LRP1B: variants seen among roughly 807,000 people sequenced by gnomAD.
The protein encoded by LRP1B is low-density lipoprotein receptor-related protein 1B.
LRP1B carries 217 observed loss-of-function variants against 556.6 expected under a neutral mutation model. That is an observed-to-expected ratio of 0.39 (90% CI 0.35 to 0.44). LRP1B has a LOEUF of 0.44. Ranked by LOEUF, LRP1B falls within the 20% of genes least tolerant of loss-of-function variation. The pLI is 1.00. For missense variants in LRP1B, 5,053 were observed against 5,620.8 expected (o/e 0.90, Z 3.23); for synonymous variants, 2,047 against 1,865.8 (o/e 1.10, Z -2.50).
intron 6 of LRP1B, among the ~76,000 whole-genome samples, chr2:141,189,945 AAAGAAAAGG>A (rs915569805): frequency 3.3e-5 from 5 of 152,116 alleles, no homozygotes; most frequent in African/African-American, 1.2e-4. Context: ...AGAAAGAAAG[AAAGAAAAGG>A]AAGAAAAGAA....
intron 41 of LRP1B, among the ~76,000 whole-genome samples, chr2:140,681,067 A>C (rs1361161636): frequency 6.6e-6 from 1 of 152,210 alleles, no homozygotes; most frequent in African/African-American, 2.4e-5. Flanking sequence ...CTCTGTCAGC[A>C]TTATTGAACA....
intron 2 of LRP1B, among the ~76,000 whole-genome samples, chr2:141,711,221 T>A (rs1692343360): frequency 6.6e-6 from 1 of 152,152 alleles, no homozygotes; most frequent in African/African-American, 2.4e-5. Flanking sequence ...ATGTATGGTG[T>A]GCCAACCCAA....
In LRP1B at chr2:141,015,919, A is replaced by G. The variant is rs770112754; in HGVS notation, c.1971-4T>C. 6.2e-7 allele frequency: 1 copy of G among 1,610,496 alleles called. No individual in the cohort carries two copies. Among genetic ancestry groups the G allele is most frequent in the East Asian group, 2.2e-5 (1 of 44,708 alleles). On this transcript the variant is annotated splice_region_variant and splice_polypyrimidine_tract_variant and intron_variant, in intron 12 of 90. Coordinates refer to ENST00000389484, the MANE Select transcript of LRP1B (RefSeq NM_018557.3). ...CCAGTCTGTCCAATACATCCAACTA[A>G]GACATTAAAAAAACAACAAAAATGC...
chr2:141,256,140 G>T (rs1684454580), intron 3 of LRP1B, among the ~76,000 whole-genome samples: 1 of 151,998 alleles, frequency 6.6e-6, no homozygotes, highest in Non-Finnish European at 1.5e-5. Context: ...GATGTAGAAA[G>T]ATTCATCTAG....
At chr2:141,113,298 A>G (rs1230822323) in intron 7 of LRP1B, among the ~76,000 whole-genome samples, 4 of 152,252 alleles carry the variant, frequency 2.6e-5, no homozygotes, top group African/African-American at 4.8e-5. Context: ...AAAACAAACC[A>G]ACAAAAAGAC....
chr2:141,265,186 A>G (rs935579725), intron 3 of LRP1B, among the ~76,000 whole-genome samples: 2 of 152,178 alleles, frequency 1.3e-5, no homozygotes, highest in Non-Finnish European at 2.9e-5. Flanking sequence ...AGGGGTCCAA[A>G]GCAGCCTGAG....
intron 1 of LRP1B, among the ~76,000 whole-genome samples, chr2:142,079,509 ATTTTT>A (rs1705635818): frequency 2.4e-5 from 3 of 124,134 alleles, no homozygotes; most frequent in African/African-American, 8.7e-5. Flanking sequence ...CTTTTTTTTT[ATTTTT>A]TTATTTTTTC....
chr2:141,931,916 T>C (rs371395629), intron 1 of LRP1B, among the ~76,000 whole-genome samples: 1 of 151,996 alleles, frequency 6.6e-6, no homozygotes, highest in African/African-American at 2.4e-5. Flanking sequence ...CTGTGTCACT[T>C]CGTAATCTAT....
At chr2:140,851,041 A>G (rs1435532008) in intron 28 of LRP1B, among the ~76,000 whole-genome samples, 2 of 152,274 alleles carry the variant, frequency 1.3e-5, no homozygotes, top group South Asian at 2.1e-4. Context: ...AATTTTGGTG[A>G]GTACTTTTTT....
intron 47 of LRP1B, among the ~76,000 whole-genome samples, chr2:140,526,875 CAA>C (rs1417385742): frequency 5.9e-5 from 9 of 151,764 alleles, no homozygotes; most frequent in African/African-American, 2.2e-4. Context: ...GAAACAGAAA[CAA>C]AGAGATGGGC....
intron 60 of LRP1B, among the ~76,000 whole-genome samples, chr2:140,469,288 A>G (rs1354036226): frequency 1.3e-5 from 2 of 152,174 alleles, no homozygotes; most frequent in Non-Finnish European, 2.9e-5. Context: ...AAAGGAGCTC[A>G]CTAGCCCCTT....
Position 141,106,651 on chromosome 2 carries a change from T to C in LRP1B, c.1014-44378A>G, listed in dbSNP as rs561621965. Among the ~76,000 whole-genome samples, 25 of 152,262 alleles carry C rather than the reference T, an allele frequency of 1.6e-4. 1 individual carries two copies. The South Asian group carries it at 4.8e-3, about 29-fold the overall frequency. On this transcript the variant is annotated intron_variant, in intron 7 of 90. Coordinates refer to ENST00000389484, the MANE Select transcript of LRP1B (RefSeq NM_018557.3). ...AGTTTATCATGACCTGTGCAGCTAA[T>C]AGGTCCAAACTACTCATAAGCTCTG...
chr2:141,472,911 C>G (rs13009586), intron 3 of LRP1B, among the ~76,000 whole-genome samples: 16,869 of 152,028 alleles, frequency 0.11, 1,057 homozygotes, highest in African/African-American at 0.15. Context: ...TAACATTCAT[C>G]AAAGATGTAA....
At chr2:141,178,952 C>G (rs1372722475) in intron 7 of LRP1B, among the ~76,000 whole-genome samples, 1 of 151,932 alleles carries the variant, frequency 6.6e-6, no homozygotes, top group Non-Finnish European at 1.5e-5. Context: ...AGTCAAAATT[C>G]TAGACTTTAT....
chr2:142,023,406 T>C (rs1351813243), intron 1 of LRP1B, among the ~76,000 whole-genome samples: 1 of 152,190 alleles, frequency 6.6e-6, no homozygotes, highest in Non-Finnish European at 1.5e-5. Context: ...CAAGTTCATA[T>C]ATTTTTTCTT....
chr2:141,756,558 CA>C (rs1694326622), intron 2 of LRP1B, among the ~76,000 whole-genome samples: 2 of 151,534 alleles, frequency 1.3e-5, no homozygotes, highest in East Asian at 3.9e-4. Flanking sequence ...CACACACACA[CA>C]CACACACACA....
chr2:141,274,701 T>A (rs1685219551), intron 3 of LRP1B, among the ~76,000 whole-genome samples: 1 of 152,148 alleles, frequency 6.6e-6, no homozygotes, highest in Non-Finnish European at 1.5e-5. Context: ...AATTGTATGG[T>A]ATGTAAATAA....
chr2:141,395,297 T>A lies in LRP1B; in HGVS notation c.343+85099A>T, dbSNP rs866658168. Among the ~76,000 whole-genome samples the A allele has an allele frequency of 3.0e-3, 454 of 152,208 alleles. 1 individual carries two copies. The highest frequency in any genetic ancestry group is 5.0e-3 in the Non-Finnish European group (337 of 67,954). ...TAAATGCCCTATACAGGTATACCAT[T>A]TTTTTATCTGTTATACTATAATTTT... is the stretch of plus-strand genomic sequence containing the variant. On this transcript the variant is annotated intron_variant, in intron 3 of 90. Coordinates refer to ENST00000389484, the MANE Select transcript of LRP1B (RefSeq NM_018557.3).
At chr2:142,013,732 A>G (rs1210571237) in intron 1 of LRP1B, among the ~76,000 whole-genome samples, 1 of 152,132 alleles carries the variant, frequency 6.6e-6, no homozygotes, top group Admixed American at 6.5e-5. Context: ...AATATTAATT[A>G]TAATTTTAAA....
Sources: gnomAD v4.1 joint callset for allele counts (sites outside exome capture counted in the v4.1 genomes callset) on GRCh38, gnomAD v4.1.1 for gene constraint, MANE v1.5 for transcripts, NCBI Gene and HGNC (gene_info 2026-07-23, HGNC 2026-07-21) for gene names.